Variants in TRIM23 observed in about 807,000 individuals in gnomAD.
TRIM23 encodes the protein tripartite motif containing 23, also known as E3 ubiquitin-protein ligase TRIM23.
In TRIM23, 27 loss-of-function variants were observed where a neutral mutation model predicts 71.0. The observed-to-expected ratio is 0.38, with a 90% confidence interval of 0.28 to 0.52. The LOEUF is 0.52. TRIM23 is among the 20% of genes least tolerant of loss of function. TRIM23 has a pLI of 0.84. For missense variants in TRIM23, 482 were observed against 692.3 expected, an observed-to-expected ratio of 0.70 and a Z score of 3.41; for synonymous variants, 234 against 238.0, an observed-to-expected ratio of 0.98 and a Z score of 0.16.
chr5:65,615,527 T>TA (rs11450546), intron 2 of TRIM23, among the ~76,000 whole-genome samples: 92,956 of 147,650 alleles, frequency 0.63, 29,148 homozygotes, highest in African/African-American at 0.67. Flanking sequence ...TCCTGGCTCT[T>TA]AAAAAAAAAA....
chr5:65,594,669 AC>A, intron 9 of TRIM23, 24 bp from the exon 10 acceptor site: 4 of 1,534,992 alleles, frequency 2.6e-6, no homozygotes, highest in Admixed American at 2.3e-5. Context: ...AATAAAAAAA[AC>A]AAAAATAGTC....
In TRIM23 at chr5:65,590,342, C is replaced by G. The variant is rs753049967; in HGVS notation, c.*1427G>C. 8 of 1,454,340 alleles carry G rather than the reference C, an allele frequency of 5.5e-6. No individual in the cohort carries two copies. In the Admixed American group the frequency reaches 8.1e-5, roughly 15 times the overall value. The allele number at this position is 1,454,340 out of a possible 1,614,324, so 90.1% of individuals were successfully genotyped here. On this transcript the variant is annotated 3_prime_UTR_variant, in exon 11 of 11. Coordinates refer to ENST00000231524, the MANE Select transcript of TRIM23 (RefSeq NM_001656.4). Reference sequence around the variant, plus strand: ...ATGAAATATTACATTTATTTATTTACATATTGCCCATAATACTGATAGGCT... The same window carrying G: ...ATGAAATATTACATTTATTTATTTAGATATTGCCCATAATACTGATAGGCT...
Position 65,590,369 on chromosome 5 carries a change from T to C in TRIM23, c.*1400A>G. ...TATTGCCCATAATACTGATAGGCTTTTTTTTTAATGCTTTGTTTTCTAAAA... is the reference window on the plus strand; with the variant it reads ...TATTGCCCATAATACTGATAGGCTTCTTTTTTAATGCTTTGTTTTCTAAAA... On this transcript the variant is annotated 3_prime_UTR_variant, in exon 11 of 11. Coordinates refer to ENST00000231524, the MANE Select transcript of TRIM23 (RefSeq NM_001656.4). The C allele has an allele frequency of 2.1e-6, 3 of 1,448,788 alleles. No homozygotes were observed. Among genetic ancestry groups the C allele is most frequent in the Non-Finnish European group, 1.8e-6 (2 of 1,090,970 alleles). 89.7% of individuals were successfully genotyped at this position (1,448,788 alleles called of 1,614,324 possible).
At chr5:65,608,925 G>A (rs1366967009) in intron 6 of TRIM23, among the ~76,000 whole-genome samples, 2 of 148,292 alleles carry the variant, frequency 1.3e-5, no homozygotes, top group East Asian at 2.0e-4. Flanking sequence ...AGAAAAGAGA[G>A]ATATATGCAC....
At chr5:65,618,391 G>T in intron 1 of TRIM23, 136 bp from the exon 2 acceptor site, 1 of 947,786 alleles carries the variant, frequency 1.1e-6, no homozygotes, top group Non-Finnish European at 1.4e-6. Context: ...AACTATGTAG[G>T]TTGTAAAATC....
chr5:65,595,226 A>G (rs1471130772), intron 9 of TRIM23, among the ~76,000 whole-genome samples: 2 of 151,516 alleles, frequency 1.3e-5, no homozygotes, highest in Non-Finnish European at 2.9e-5. Context: ...CCTGGGCAAT[A>G]TAGTGAGACC....
chr5:65,616,920 C>T (rs571352849), intron 2 of TRIM23, among the ~76,000 whole-genome samples: 1 of 152,084 alleles, frequency 6.6e-6, no homozygotes, highest in Non-Finnish European at 1.5e-5. Flanking sequence ...AGGGGTCTCA[C>T]CATTTTGGCC....
intron 7 of TRIM23, among the ~76,000 whole-genome samples, chr5:65,603,314 GATAA>G (rs1321130754): frequency 6.6e-6 from 1 of 151,878 alleles, no homozygotes; most frequent in Admixed American, 6.6e-5. Context: ...TTTTTACTAC[GATAA>G]ATAAATGTGG....
intron 1 of TRIM23, among the ~76,000 whole-genome samples, chr5:65,619,114 C>T (rs1279841821): frequency 1.3e-5 from 2 of 152,180 alleles, no homozygotes; most frequent in Non-Finnish European, 2.9e-5. Context: ...ATACCTCAAA[C>T]TCCTGTCATT....
Position 65,590,127 on chromosome 5 carries a change from T to C in TRIM23, c.*1642A>G, listed in dbSNP as rs1246070602. On this transcript the variant is annotated 3_prime_UTR_variant, in exon 11 of 11. Coordinates refer to ENST00000231524, the MANE Select transcript of TRIM23 (RefSeq NM_001656.4). ...AAAATTAGTGAAAAGGGAAGCAAGTTCACCTTAGTGTTACACTTTTTCTTC... is the reference window on the plus strand; with the variant it reads ...AAAATTAGTGAAAAGGGAAGCAAGTCCACCTTAGTGTTACACTTTTTCTTC... The C allele has an allele frequency of 2.1e-6, 1 of 471,446 alleles. No individual in the cohort carries two copies. Among genetic ancestry groups the C allele is most frequent in the Non-Finnish European group, 3.9e-6 (1 of 258,060 alleles). The allele number at this position is 471,446 out of a possible 1,614,324, so 29.2% of individuals were successfully genotyped here.
At chr5:65,610,839 G>A in intron 5 of TRIM23, 22 bp downstream of exon 5, 1 of 1,547,842 alleles carries the variant, frequency 6.5e-7, no homozygotes, top group Non-Finnish European at 8.7e-7. Flanking sequence ...ATGAGAAAGT[G>A]AAGAAGAAAA....
chr5:65,591,904 G>C lies in TRIM23; in HGVS notation c.1590C>G (p.Leu530=), dbSNP rs778701281. 15 of 1,613,650 alleles carry C rather than the reference G, an allele frequency of 9.3e-6. No individual in the cohort carries two copies. In the South Asian group the frequency reaches 1.5e-4, roughly 17 times the overall value. ...ALSVEEITEL[L]SLHKLCCGRS... ...GGCCACAGCATAATTTATGGAGACT[G>C]AGTAGTTCAGTGATTTCTTCTACTG... is the stretch of plus-strand genomic sequence containing the variant. The change falls in exon 11 of 11, where the codon CTC becomes CTG. Residue 530 remains leucine, a synonymous_variant. Coordinates refer to ENST00000231524, the MANE Select transcript of TRIM23 (RefSeq NM_001656.4).
intron 6 of TRIM23, among the ~76,000 whole-genome samples, chr5:65,606,401 G>A (rs1238119133): frequency 6.7e-6 from 1 of 149,482 alleles, no homozygotes; most frequent in Non-Finnish European, 1.5e-5. Context: ...AGACGAGACT[G>A]TATCACTGCA....
At chr5:65,594,242 AAC>A (rs1173781681) in intron 10 of TRIM23, among the ~76,000 whole-genome samples, 2 of 152,344 alleles carry the variant, frequency 1.3e-5, no homozygotes, top group East Asian at 3.9e-4. Context: ...TAATTCCCGT[AAC>A]ACTGTGTTAC....
chr5:65,592,841 T>C (rs1047228180), intron 10 of TRIM23, among the ~76,000 whole-genome samples: 1 of 152,224 alleles, frequency 6.6e-6, no homozygotes, highest in Non-Finnish European at 1.5e-5. Flanking sequence ...GTCTGCATTA[T>C]TTTTAATATC....
At chr5:65,621,028 T>A (rs2150644922) in intron 1 of TRIM23, among the ~76,000 whole-genome samples, 1 of 149,446 alleles carries the variant, frequency 6.7e-6, no homozygotes. Context: ...AGAACCTGCC[T>A]CAAAAAAAAA....
At chr5:65,609,647 T>C (rs1021936681) in intron 5 of TRIM23, among the ~76,000 whole-genome samples, 189 bp from the exon 6 acceptor site, 3 of 152,096 alleles carry the variant, frequency 2.0e-5, no homozygotes, top group Non-Finnish European at 4.4e-5. Flanking sequence ...GGAGGATTGA[T>C]TGAGCCCCAG....
intron 5 of TRIM23, 66 bp downstream of exon 5, chr5:65,610,795 T>C: frequency 7.2e-7 from 1 of 1,389,044 alleles, no homozygotes; most frequent in Non-Finnish European, 9.8e-7. Context: ...ATTAATTACT[T>C]AGTAGAAGGT....
intron 7 of TRIM23, among the ~76,000 whole-genome samples, chr5:65,599,488 T>A (rs538493602): frequency 8.3e-4 from 127 of 152,336 alleles, no homozygotes; most frequent in Middle Eastern, 6.8e-3. Context: ...GTACTTTTAA[T>A]GGCAAAAACC....
Sources: gnomAD v4.1 joint callset for allele counts (sites outside exome capture counted in the v4.1 genomes callset) on GRCh38, gnomAD v4.1.1 for gene constraint, MANE v1.5 for transcripts, NCBI Gene and HGNC (gene_info 2026-07-23, HGNC 2026-07-21) for gene names.